The following SULF1 variants were observed in gnomAD, a reference collection of about 807,000 sequenced individuals.
The protein encoded by SULF1 is sulfatase 1.
Under a neutral mutation model 110.5 loss-of-function variants are expected in SULF1, and 46 were observed. The observed-to-expected ratio is 0.42, with a 90% CI of 0.33 to 0.53. The LOEUF is 0.53. Ranked by LOEUF, SULF1 falls within the 20% of genes least tolerant of loss-of-function variation. The pLI is 0.12. For missense variants in SULF1, 941 were observed against 1,094.2 expected (o/e 0.86, Z 1.98); for synonymous variants, 371 against 387.1 (o/e 0.96, Z 0.49).
In SULF1 at chr8:69,582,712, A is replaced by G. The variant is rs552592833; in HGVS notation, c.413-3645A>G. On this transcript the variant is annotated intron_variant, in intron 6 of 22. Coordinates refer to ENST00000402687, the MANE Select transcript of SULF1 (RefSeq NM_001128205.2). ...GGAAAAAAAAAAAAAAAAAGGAAAG[A>G]AAAGTGGGATAAACCCGTAGGGATG... 6.7e-4 allele frequency among the ~76,000 whole-genome samples: 101 copies of G among 151,474 alleles called. 2 individuals carry two copies. The highest frequency in any genetic ancestry group is 8.8e-4 in the Non-Finnish European group (60 of 67,892).
At chr8:69,654,784 C>T (rs1187846953) in intron 22 of SULF1, among the ~76,000 whole-genome samples, 1 of 152,214 alleles carries the variant, frequency 6.6e-6, no homozygotes, top group East Asian at 1.9e-4. Flanking sequence ...AGCCAGCCTT[C>T]AATGCTTTTG....
At chr8:69,522,308 G>A (rs1378204211) in intron 3 of SULF1, among the ~76,000 whole-genome samples, 1 of 152,158 alleles carries the variant, frequency 6.6e-6, no homozygotes, top group African/African-American at 2.4e-5. Flanking sequence ...GCCTCCCAAA[G>A]TGCTGGAATT....
At chr8:69,634,602 C>T (rs1250417198) in intron 19 of SULF1, among the ~76,000 whole-genome samples, 1 of 151,962 alleles carries the variant, frequency 6.6e-6, no homozygotes, top group Non-Finnish European at 1.5e-5. Flanking sequence ...AACCCTATCT[C>T]TACCAAAAAA....
intron 3 of SULF1, among the ~76,000 whole-genome samples, chr8:69,524,111 A>G (rs1252418365): frequency 6.6e-6 from 1 of 151,968 alleles, no homozygotes. Flanking sequence ...TAGAGATAAG[A>G]AAGCTAAGAG....
intron 22 of SULF1, among the ~76,000 whole-genome samples, chr8:69,651,931 G>T (rs1193496221): frequency 1.3e-5 from 2 of 152,098 alleles, no homozygotes; most frequent in African/African-American, 2.4e-5. Context: ...GTTTCTAGGG[G>T]TCAGAAATTC....
intron 3 of SULF1, among the ~76,000 whole-genome samples, chr8:69,558,353 T>C (rs528219574): frequency 6.6e-6 from 1 of 152,330 alleles, no homozygotes; most frequent in Admixed American, 6.5e-5. Flanking sequence ...CCCCTGCCCC[T>C]GCTGTTTCAA....
intron 3 of SULF1, among the ~76,000 whole-genome samples, chr8:69,555,300 C>T (rs1444230408): frequency 1.3e-5 from 2 of 152,164 alleles, no homozygotes; most frequent in Admixed American, 1.3e-4. Flanking sequence ...CCCCACTCTG[C>T]TGTGTTTAGC....
chr8:69,576,630 T>C (rs1032343412), intron 6 of SULF1, among the ~76,000 whole-genome samples: 9 of 152,146 alleles, frequency 5.9e-5, no homozygotes, highest in South Asian at 2.1e-4. Context: ...TTTTTGAAAA[T>C]TGGGGACTTC....
chr8:69,526,643 TAGTC>T (rs1170359211), intron 3 of SULF1, among the ~76,000 whole-genome samples: 12 of 150,490 alleles, frequency 8.0e-5, no homozygotes, highest in Non-Finnish European at 1.8e-4. Context: ...AAAGAAAAAT[TAGTC>T]AGGCATAGTG....
intron 22 of SULF1, among the ~76,000 whole-genome samples, chr8:69,655,128 G>T (rs1051268433): frequency 1.3e-5 from 2 of 152,170 alleles, no homozygotes; most frequent in African/African-American, 4.8e-5. Context: ...CTATCCCGTC[G>T]GGGCTACTGG....
intron 3 of SULF1, among the ~76,000 whole-genome samples, chr8:69,542,532 C>A (rs781270330): frequency 6.6e-6 from 1 of 151,954 alleles, no homozygotes; most frequent in Admixed American, 6.6e-5. Flanking sequence ...TCTGTTTTGA[C>A]CCCCGAGAAA....
rs569761828 is a variant in SULF1 at position 69,557,162 on chromosome 8, G to A, written c.-133-6377G>A. 2.6e-5 allele frequency among the ~76,000 whole-genome samples: 4 copies of A among 152,250 alleles called. No individual in the cohort carries two copies. The East Asian group carries it at 7.7e-4, about 29-fold the overall frequency. On this transcript the variant is annotated intron_variant, in intron 3 of 22. Coordinates refer to ENST00000402687, the MANE Select transcript of SULF1 (RefSeq NM_001128205.2). ...ATCCACTTTACCTGAAGTTTCCAAT[G>A]CCTCTTCTTTTGGAAATCCAGTTGT...
At chr8:69,544,165 T>G (rs1814066017) in intron 3 of SULF1, among the ~76,000 whole-genome samples, 1 of 152,224 alleles carries the variant, frequency 6.6e-6, no homozygotes, top group Non-Finnish European at 1.5e-5. Flanking sequence ...GTTTCACAAG[T>G]CTAAGAATAG....
chr8:69,646,952 T>A (rs938638650), intron 22 of SULF1, among the ~76,000 whole-genome samples: 2 of 143,650 alleles, frequency 1.4e-5, no homozygotes, highest in African/African-American at 2.7e-5. Flanking sequence ...TTTTTTTTTT[T>A]TTTTTTTTTT....
chr8:69,659,980 G>A lies in SULF1; in HGVS notation c.*1445G>A, dbSNP rs1018449327. ...GAAAATGTTGCATGTGTTTTACCTC[G>A]ACTTGCTAAAATCGATTAGCAGAAA... On this transcript the variant is annotated 3_prime_UTR_variant, in exon 23 of 23. Coordinates refer to ENST00000402687, the MANE Select transcript of SULF1 (RefSeq NM_001128205.2). 1 of 152,486 alleles carries A rather than the reference G, an allele frequency of 6.6e-6. No individual in the cohort carries two copies. Among genetic ancestry groups the A allele is most frequent in the Non-Finnish European group, 1.5e-5 (1 of 68,018 alleles). 9.4% of individuals were successfully genotyped at this position (152,486 alleles called of 1,614,324 possible). A position where few individuals can be genotyped will look rare whatever the true frequency, so the allele number is the denominator to read the frequency against.
At chr8:69,560,464 A>G (rs1586403386) in intron 3 of SULF1, among the ~76,000 whole-genome samples, 1 of 152,164 alleles carries the variant, frequency 6.6e-6, no homozygotes, top group African/African-American at 2.4e-5. Context: ...CCATAACTAC[A>G]ACTGCTGTTT....
At chr8:69,503,956 C>T (rs56398373) in intron 3 of SULF1, among the ~76,000 whole-genome samples, 48,768 of 151,780 alleles carry the variant, frequency 0.32, 8,159 homozygotes, top group Non-Finnish European at 0.37. Flanking sequence ...CGTGCCACCA[C>T]GCCTGGTTAA....
At chr8:69,562,655 C>T (rs565938689) in intron 3 of SULF1, among the ~76,000 whole-genome samples, 3 of 152,162 alleles carry the variant, frequency 2.0e-5, no homozygotes, top group Admixed American at 6.5e-5. Context: ...TTTCAAAAGC[C>T]TCCTTCTGTG....
intron 22 of SULF1, among the ~76,000 whole-genome samples, chr8:69,656,467 T>A (rs1812740920): frequency 6.6e-6 from 1 of 152,192 alleles, no homozygotes; most frequent in African/African-American, 2.4e-5. Context: ...TGATGCTCTC[T>A]TTCTCCCAAC....
Sources: allele counts gnomAD v4.1 joint callset (sites outside exome capture counted in the v4.1 genomes callset), GRCh38; gene constraint gnomAD v4.1.1; transcripts MANE v1.5; gene names NCBI Gene and HGNC (gene_info 2026-07-23, HGNC 2026-07-21).